NEK11: variants seen among roughly 807,000 people sequenced by gnomAD.
NEK11 encodes serine/threonine-protein kinase Nek11.
Under a neutral mutation model 80.7 loss-of-function variants are expected in NEK11, and 72 were observed. The observed-to-expected ratio is 0.89, with a 90% confidence interval of 0.74 to 1.08. The LOEUF is 1.08. NEK11 is among the 50% of genes least tolerant of loss of function. The probability of loss-of-function intolerance (pLI) is 0.00; values close to 1 mark genes in which losing one functional copy is unlikely to be tolerated. For missense variants in NEK11, 764 were observed against 763.6 expected, an observed-to-expected ratio of 1.00 and a Z score of -0.01; for synonymous variants, 251 against 260.7, an observed-to-expected ratio of 0.96 and a Z score of 0.36.
At chr3:131,070,152 C>T (rs146933923) in intron 3 of NEK11, among the ~76,000 whole-genome samples, 34 of 152,274 alleles carry the variant, frequency 2.2e-4, no homozygotes, top group African/African-American at 6.7e-4. Context: ...TTAATTTCCT[C>T]GCCTGCATAA....
intron 17 of NEK11, among the ~76,000 whole-genome samples, chr3:131,305,041 G>A (rs2096708354): frequency 6.6e-6 from 1 of 151,738 alleles, no homozygotes; most frequent in Non-Finnish European, 1.5e-5. Flanking sequence ...AGCAGGGGAG[G>A]GATTTCCAAC....
In NEK11 at chr3:131,115,135, T is replaced by G. The variant is rs149199417; in HGVS notation, c.455+5214T>G. 6.4e-3 allele frequency among the ~76,000 whole-genome samples: 976 copies of G among 152,306 alleles called. 4 individuals carry two copies. Among genetic ancestry groups the G allele is most frequent in the Middle Eastern group, 0.037 (11 of 294 alleles). On this transcript the variant is annotated intron_variant, in intron 5 of 17. Coordinates refer to ENST00000383366, the MANE Select transcript of NEK11 (RefSeq NM_024800.5). ...GTGTGGGCAGGCATCATCCAATCCC[T>G]TGATGGCTTGAATGGAACAAAAGAC...
chr3:131,159,121 A>G (rs1031395701), intron 10 of NEK11, among the ~76,000 whole-genome samples: 2 of 152,240 alleles, frequency 1.3e-5, no homozygotes, highest in Admixed American at 6.5e-5. Context: ...GTAGAATAAA[A>G]GGAAAAAACA....
chr3:131,269,407 G>A (rs529433328), intron 16 of NEK11, among the ~76,000 whole-genome samples: 20 of 152,308 alleles, frequency 1.3e-4, no homozygotes, highest in South Asian at 6.2e-4. Flanking sequence ...ATAGGCACCC[G>A]AGGGAATCTC....
intron 17 of NEK11, among the ~76,000 whole-genome samples, chr3:131,302,344 A>T (rs2096670785): frequency 6.6e-6 from 1 of 151,946 alleles, no homozygotes; most frequent in African/African-American, 2.4e-5. Flanking sequence ...GGTTTTTCAC[A>T]TCTCAGTTTC....
At chr3:131,115,634 G>A (rs185398274) in intron 5 of NEK11, among the ~76,000 whole-genome samples, 44 of 152,318 alleles carry the variant, frequency 2.9e-4, no homozygotes, top group Non-Finnish European at 4.7e-4. Flanking sequence ...TCTTGAGAAT[G>A]TTGCACTGAA....
chr3:131,043,151 T>G (rs763205604), intron 3 of NEK11, among the ~76,000 whole-genome samples: 3 of 152,136 alleles, frequency 2.0e-5, no homozygotes, highest in Non-Finnish European at 4.4e-5. Context: ...TCCACGAAGA[T>G]GAGGAAAAAC....
intron 7 of NEK11, among the ~76,000 whole-genome samples, chr3:131,151,425 G>T (rs2674608): frequency 0.83 from 126,016 of 151,952 alleles, 52,367 homozygotes; most frequent in East Asian, 0.93. Context: ...CAAATGCACA[G>T]TTTCATGAGT....
intron 17 of NEK11, among the ~76,000 whole-genome samples, chr3:131,277,775 C>G (rs1172605890): frequency 6.6e-6 from 1 of 152,184 alleles, no homozygotes; most frequent in Non-Finnish European, 1.5e-5. Flanking sequence ...TAATATGTGT[C>G]CTTGGACAAG....
intron 17 of NEK11, among the ~76,000 whole-genome samples, chr3:131,291,331 T>C (rs1441606212): frequency 6.6e-6 from 1 of 152,226 alleles, no homozygotes; most frequent in African/African-American, 2.4e-5. Context: ...ATTCATCTGC[T>C]GAAGGACATC....
chr3:131,221,296 G>A (rs1018092017), intron 14 of NEK11, among the ~76,000 whole-genome samples: 1 of 152,180 alleles, frequency 6.6e-6, no homozygotes, highest in South Asian at 2.1e-4. Context: ...CAGTCATTGT[G>A]CTGAATTAGT....
At chr3:131,168,344 T>A (rs2092411611) in intron 12 of NEK11, among the ~76,000 whole-genome samples, 1 of 151,326 alleles carries the variant, frequency 6.6e-6, no homozygotes, top group South Asian at 2.1e-4. Flanking sequence ...TTTCTTTTTT[T>A]TTTTTTATTT....
chr3:131,258,099 A>G (rs2095848329), intron 16 of NEK11, among the ~76,000 whole-genome samples: 1 of 151,564 alleles, frequency 6.6e-6, no homozygotes, highest in South Asian at 2.1e-4. Context: ...GTTCTCACTT[A>G]TAAGTGGGAG....
chr3:131,152,665 G>GC lies in NEK11; in HGVS notation c.833dup (p.Ile279TyrfsTer10), dbSNP rs1293429831. 6.2e-7 allele frequency: 1 copy of GC among 1,613,740 alleles called. No homozygotes were observed. Among genetic ancestry groups the GC allele is most frequent in the South Asian group, 1.1e-5 (1 of 91,022 alleles). On this transcript the variant is annotated frameshift_variant, in exon 9 of 18. Transcript: ENST00000383366. LOFTEE classifies it high-confidence loss of function. ...CAAGAATCCTTCATTAAGACCATCT[G>GC]CTATCGAAATTTTAAAAATCCCTTA...
intron 14 of NEK11, among the ~76,000 whole-genome samples, chr3:131,171,313 T>C (rs1020819718): frequency 6.6e-6 from 1 of 152,028 alleles, no homozygotes; most frequent in Non-Finnish European, 1.5e-5. Flanking sequence ...TACCAGAAAA[T>C]AAAAGTGCTC....
chr3:131,158,338 C>G (rs1425612260), intron 10 of NEK11, among the ~76,000 whole-genome samples: 1 of 152,176 alleles, frequency 6.6e-6, no homozygotes, highest in Non-Finnish European at 1.5e-5. Context: ...CAGATTTTGA[C>G]TTTCCTGCCC....
At chr3:131,035,522 C>G (rs964133308) in intron 3 of NEK11, among the ~76,000 whole-genome samples, 1 of 152,190 alleles carries the variant, frequency 6.6e-6, no homozygotes. Flanking sequence ...CAAAAGGGCT[C>G]AGGGGTTCAG....
chr3:131,162,392 T>C lies in NEK11; in HGVS notation c.963-16T>C. 3.1e-6 allele frequency: 5 copies of C among 1,610,536 alleles called. No individual in the cohort carries two copies. Among genetic ancestry groups the C allele is most frequent in the Non-Finnish European group, 4.2e-6 (5 of 1,179,052 alleles). On this transcript the variant is annotated splice_polypyrimidine_tract_variant and intron_variant, in intron 10 of 17. Transcript: ENST00000383366. ...TTTGGGATGGGCTATATGAGGGGAA[T>C]CTTTGTTATTTATAGGCAAAAAAGG...
intron 4 of NEK11, 33 bp from the exon 5 acceptor site, chr3:131,109,770 A>G: frequency 1.3e-6 from 2 of 1,552,642 alleles, no homozygotes; most frequent in South Asian, 1.2e-5. Flanking sequence ...ATATTAGCTG[A>G]AAAAATATGA....
Sources: gnomAD v4.1 joint callset for allele counts (sites outside exome capture counted in the v4.1 genomes callset) on GRCh38, gnomAD v4.1.1 for gene constraint, MANE v1.5 for transcripts, NCBI Gene and HGNC (gene_info 2026-07-23, HGNC 2026-07-21) for gene names.